TSHZ2: variants seen among roughly 807,000 people sequenced by gnomAD.
TSHZ2 encodes the protein teashirt homolog 2.
TSHZ2 carries 21 observed loss-of-function variants against 74.4 expected under a neutral mutation model. The observed-to-expected ratio is 0.28, with a 90% confidence interval of 0.20 to 0.41. The LOEUF (loss-of-function observed/expected upper bound fraction) is 0.41, where lower values mean the gene tolerates loss of function less well. Among genes scored for constraint, TSHZ2 ranks in the 10% least tolerant of loss-of-function variants. The pLI, the probability that TSHZ2 is intolerant of heterozygous loss-of-function variation, is 1.00. For synonymous variants in TSHZ2, 540 were observed against 515.3 expected (o/e 1.05, Z -0.65); for missense variants, 1,244 against 1,293.5 (o/e 0.96, Z 0.59).
intron 2 of TSHZ2, among the ~76,000 whole-genome samples, chr20:53,288,164 G>A (rs906392215): frequency 2.0e-4 from 31 of 152,208 alleles, no homozygotes; most frequent in Admixed American, 1.8e-3. Flanking sequence ...TGCACTTTGG[G>A]AGGCCAAGAT....
intron 2 of TSHZ2, among the ~76,000 whole-genome samples, chr20:53,435,890 A>G (rs1984037189): frequency 6.6e-6 from 1 of 152,202 alleles, no homozygotes; most frequent in African/African-American, 2.4e-5. Flanking sequence ...TGTGACTTTT[A>G]GTAAGTTATT....
intron 1 of TSHZ2, among the ~76,000 whole-genome samples, chr20:52,998,528 G>A (rs1000117654): frequency 1.3e-5 from 2 of 152,150 alleles, no homozygotes; most frequent in Admixed American, 6.5e-5. Context: ...ATTAGCCCAA[G>A]GGTTACTTGC....
intron 2 of TSHZ2, among the ~76,000 whole-genome samples, chr20:53,319,455 T>C (rs1979160489): frequency 6.6e-6 from 1 of 152,258 alleles, no homozygotes; most frequent in Non-Finnish European, 1.5e-5. Flanking sequence ...GATACAAGGA[T>C]TGGCCTTCAG....
chr20:53,469,915 A>C (rs955843649), intron 2 of TSHZ2, among the ~76,000 whole-genome samples: 2 of 150,010 alleles, frequency 1.3e-5, no homozygotes, highest in African/African-American at 2.5e-5. Flanking sequence ...GGAAGGAAGG[A>C]AGGAAGGCAG....
intron 1 of TSHZ2, among the ~76,000 whole-genome samples, chr20:53,058,328 C>G (rs7271889): frequency 0.027 from 4,103 of 152,296 alleles, 171 homozygotes; most frequent in African/African-American, 0.089. Context: ...AACTTGAATT[C>G]TGCCTGTCAA....
At chr20:53,216,784 GTTC>G (rs1989444955) in intron 1 of TSHZ2, among the ~76,000 whole-genome samples, 1 of 152,222 alleles carries the variant, frequency 6.6e-6, no homozygotes. Flanking sequence ...CATGTGGGTT[GTTC>G]TTCTCTGAAC....
At chr20:53,483,472 C>T (rs1286386809) in intron 2 of TSHZ2, among the ~76,000 whole-genome samples, 5 of 152,182 alleles carry the variant, frequency 3.3e-5, no homozygotes, top group Non-Finnish European at 7.3e-5. Flanking sequence ...GATTGCACCA[C>T]TGCACTCTAG....
chr20:53,340,655 TCA>T (rs1465978351), intron 2 of TSHZ2, among the ~76,000 whole-genome samples: 1 of 152,222 alleles, frequency 6.6e-6, no homozygotes, highest in Non-Finnish European at 1.5e-5. Flanking sequence ...CATGTAGCCT[TCA>T]CAGTTTCACT....
chr20:53,143,596 G>T (rs1441477720), intron 1 of TSHZ2, among the ~76,000 whole-genome samples: 2 of 152,154 alleles, frequency 1.3e-5, no homozygotes, highest in Non-Finnish European at 2.9e-5. Flanking sequence ...GGAGGCTGAG[G>T]CAGGAGAATG....
chr20:53,097,077 T>C (rs943784732), intron 1 of TSHZ2, among the ~76,000 whole-genome samples: 1 of 152,164 alleles, frequency 6.6e-6, no homozygotes, highest in Non-Finnish European at 1.5e-5. Flanking sequence ...ACATCCGCAC[T>C]GTAGATGTCA....
chr20:53,409,391 T>C (rs1982966220), intron 2 of TSHZ2, among the ~76,000 whole-genome samples: 1 of 152,186 alleles, frequency 6.6e-6, no homozygotes, highest in Non-Finnish European at 1.5e-5. Context: ...TCTTGTCCAC[T>C]GTGTTTTAAA....
rs117842966 is a variant in TSHZ2 at position 53,358,238 on chromosome 20, T to C, written c.*8+101667T>C. ...CAAAAAAAGCAAAACCAGCTTTGTA[T>C]TGTTTTCATGCAGTTACTGAGCCTG... On this transcript the variant is annotated intron_variant, in intron 2 of 2. Coordinates refer to ENST00000371497, the MANE Select transcript of TSHZ2 (RefSeq NM_173485.6). Among the ~76,000 whole-genome samples the C allele has an allele frequency of 9.3e-4, 141 of 151,864 alleles. 2 individuals are homozygous for C. In the East Asian group the frequency reaches 0.024, roughly 25 times the overall value.
At chr20:53,169,524 C>A (rs954695086) in intron 1 of TSHZ2, among the ~76,000 whole-genome samples, 12 of 152,198 alleles carry the variant, frequency 7.9e-5, no homozygotes, top group African/African-American at 2.9e-4. Flanking sequence ...AAACCCTTTT[C>A]TTCCAGCTCT....
At chr20:53,285,374 G>A (rs1367093543) in intron 2 of TSHZ2, among the ~76,000 whole-genome samples, 1 of 152,088 alleles carries the variant, frequency 6.6e-6, no homozygotes, top group African/African-American at 2.4e-5. Context: ...TGAAAATTCA[G>A]AACTTTATGA....
chr20:53,323,105 G>C (rs1269614261), intron 2 of TSHZ2, among the ~76,000 whole-genome samples: 1 of 152,182 alleles, frequency 6.6e-6, no homozygotes, highest in Non-Finnish European at 1.5e-5. Flanking sequence ...TCCAGATCTT[G>C]ATATGGAAAA....
chr20:53,145,948 A>C (rs77523328), intron 1 of TSHZ2, among the ~76,000 whole-genome samples: 4,490 of 152,298 alleles, frequency 0.029, 110 homozygotes, highest in South Asian at 0.052. Flanking sequence ...AAAAAACTTA[A>C]GAGTTGGGGA....
intron 2 of TSHZ2, among the ~76,000 whole-genome samples, chr20:53,429,821 T>TTGTG (rs145356694): frequency 1.3e-5 from 2 of 151,518 alleles, no homozygotes; most frequent in African/African-American, 4.9e-5. Flanking sequence ...GCATATTCAA[T>TTGTG]TGTGTGTGTG....
At chr20:53,028,131 G>A (rs987040345) in intron 1 of TSHZ2, among the ~76,000 whole-genome samples, 1 of 152,136 alleles carries the variant, frequency 6.6e-6, no homozygotes. Context: ...CAATTTGTTG[G>A]GAAATGGTGG....
intron 2 of TSHZ2, among the ~76,000 whole-genome samples, chr20:53,453,881 T>G (rs1271937331): frequency 2.6e-5 from 4 of 152,054 alleles, no homozygotes; most frequent in Admixed American, 6.5e-5. Flanking sequence ...CAGACTGGTT[T>G]GGAAGAAGTC....
Sources: allele counts gnomAD v4.1 joint callset (sites outside exome capture counted in the v4.1 genomes callset), GRCh38; gene constraint gnomAD v4.1.1; transcripts MANE v1.5; gene names NCBI Gene and HGNC (gene_info 2026-07-23, HGNC 2026-07-21).